Variants in ESPNL observed in about 807,000 individuals in gnomAD.
ESPNL encodes espin like.
ESPNL carries 49 observed loss-of-function variants against 46.8 expected under a neutral mutation model. The ratio of observed to expected loss-of-function variants is 1.05; its 90% CI spans 0.83 to 1.33. The LOEUF (loss-of-function observed/expected upper bound fraction) is 1.33. ESPNL is among the 40% of genes most tolerant of loss of function. The probability of loss-of-function intolerance (pLI) is 0.00; values close to 1 mark genes in which losing one functional copy is unlikely to be tolerated. For missense variants in ESPNL, 1,540 were observed against 1,436.6 expected, an observed-to-expected ratio of 1.07 and a Z score of -1.16; for synonymous variants, 664 against 662.1, an observed-to-expected ratio of 1.00 and a Z score of -0.04.
At chr2:238,125,139 C>T in intron 5 of ESPNL, 131 bp from the exon 6 acceptor site, 2 of 503,230 alleles carry the variant, frequency 4.0e-6, no homozygotes, top group Non-Finnish European at 7.2e-6. Flanking sequence ...CTGCCACCTC[C>T]TTACCTGTCC....
rs778625183 is a variant in ESPNL, at chr2:238,102,061, C to T, written c.415C>T (p.Arg139Trp). ...CACGCTAGAGACCCGGGAGGGAGCC[C>T]GGCCGCTGCACCACGCTGCCGTCAG... ...SATLETREGA[R>W]PLHHAAVSGD... The change falls in exon 2 of 9, where the codon CGG (arginine) becomes TGG (tryptophan). Residue 139 changes from arginine to tryptophan, a missense_variant. Physicochemically the swap from Arg to Trp is moderately radical, Grantham distance 101. Coordinates refer to ENST00000343063, the MANE Select transcript of ESPNL (RefSeq NM_194312.4). 1.8e-5 allele frequency: 28 copies of T among 1,593,290 alleles called. No homozygotes were observed. The highest frequency in any genetic ancestry group is 1.1e-4 in the East Asian group (5 of 43,788).
intron 3 of ESPNL, among the ~76,000 whole-genome samples, chr2:238,106,780 C>T (rs908537444): frequency 6.6e-6 from 1 of 152,104 alleles, no homozygotes; most frequent in Non-Finnish European, 1.5e-5. Flanking sequence ...GAGGCATGAG[C>T]GGCCTTCCTG....
rs546255221 is a variant in ESPNL at position 238,116,946 on chromosome 2, G to A, written c.899G>A (p.Arg300Gln). The A allele has an allele frequency of 4.3e-5, 70 of 1,612,698 alleles. 1 individual carries two copies. The South Asian group carries it at 5.9e-4, about 14-fold the overall frequency. Residue 300 changes from arginine to glutamine, a missense_variant, in exon 5 of 9, where the codon CGG becomes CAG. Coordinates refer to ENST00000343063, the MANE Select transcript of ESPNL (RefSeq NM_194312.4). Reference sequence around the variant, plus strand: ...TCCCACCACGTGGACCCCTCCCTGCGGGATGAAGATGGTTACACGGCGGCA... The same window carrying A: ...TCCCACCACGTGGACCCCTCCCTGCAGGATGAAGATGGTTACACGGCGGCA... ...LVSHHVDPSL[R>Q]DEDGYTAADL...
rs750733129 is a variant in ESPNL at position 238,116,888 on chromosome 2, CCCT to C, written c.856-10_856-8del. On this transcript the variant is annotated splice_polypyrimidine_tract_variant and intron_variant, in intron 4 of 8. Transcript: ENST00000343063. ...TGTGTCGTGGTGGGTCACATGTGTG[CCCT>C]CCTCACTGCAGTGCTGCCAGACCCT... 2 of 1,610,976 alleles carry C rather than the reference CCCT, an allele frequency of 1.2e-6. No homozygotes were observed. Among genetic ancestry groups the C allele is most frequent in the Middle Eastern group, 1.6e-4 (1 of 6,074 alleles).
At chr2:238,126,177 CGA>C (rs1384900724) in intron 6 of ESPNL, among the ~76,000 whole-genome samples, 3 of 140,178 alleles carry the variant, frequency 2.1e-5, no homozygotes, top group South Asian at 2.4e-4. Context: ...TGATTGTGTT[CGA>C]GTGTGTGATC....
intron 6 of ESPNL, 177 bp from the exon 7 acceptor site, chr2:238,127,445 C>T (rs1692164695): frequency 7.3e-7 from 1 of 1,374,766 alleles, no homozygotes; most frequent in Admixed American, 3.5e-5. Flanking sequence ...CACTGACTCC[C>T]CAGAGAAGGT....
intron 4 of ESPNL, among the ~76,000 whole-genome samples, chr2:238,115,779 TCTC>T (rs1310235350): frequency 6.6e-6 from 1 of 152,204 alleles, no homozygotes; most frequent in Non-Finnish European, 1.5e-5. Context: ...TTAAAGCAAT[TCTC>T]CTGCCTCAGC....
chr2:238,126,754 TTG>T (rs1451474327), intron 6 of ESPNL, among the ~76,000 whole-genome samples: 1 of 151,490 alleles, frequency 6.6e-6, no homozygotes. Flanking sequence ...GTATCTGTGA[TTG>T]TGTCTGTGTA....
chr2:238,115,210 G>A (rs1206366309), intron 4 of ESPNL, among the ~76,000 whole-genome samples: 1 of 152,188 alleles, frequency 6.6e-6, no homozygotes, highest in Non-Finnish European at 1.5e-5. Context: ...TGGCGCTGTG[G>A]CCTCCTCAGG....
At chr2:238,101,458 A>T (rs533521034) in intron 1 of ESPNL, among the ~76,000 whole-genome samples, 4 of 152,166 alleles carry the variant, frequency 2.6e-5, no homozygotes, top group Non-Finnish European at 5.9e-5. Flanking sequence ...CTGCCTGGGG[A>T]TCCATTCTGA....
intron 4 of ESPNL, among the ~76,000 whole-genome samples, chr2:238,112,050 A>G (rs1448467857): frequency 6.6e-6 from 1 of 151,512 alleles, no homozygotes; most frequent in Admixed American, 6.6e-5. Flanking sequence ...CTCTTTTCCT[A>G]TTTTTTGAGA....
At chr2:238,129,053 A>G in intron 8 of ESPNL, 149 bp downstream of exon 8, 1 of 1,431,780 alleles carries the variant, frequency 7.0e-7, no homozygotes, top group Non-Finnish European at 9.1e-7. Context: ...CTTCCGCCGG[A>G]GGATGAAGTG....
chr2:238,129,030 G>A, intron 8 of ESPNL, 126 bp downstream of exon 8: 3 of 1,435,896 alleles, frequency 2.1e-6, no homozygotes, highest in Non-Finnish European at 2.7e-6. Context: ...CTCCTCTGTG[G>A]CCTCAGCTGC....
At chr2:238,104,921 G>A (rs544438608) in intron 3 of ESPNL, 79 bp downstream of exon 3, 55 of 1,269,082 alleles carry the variant, frequency 4.3e-5, no homozygotes, top group Non-Finnish European at 5.6e-5. Context: ...AGCCTGGATG[G>A]GGGCTCCAGA....
chr2:238,103,384 G>A (rs1484586032), intron 2 of ESPNL, among the ~76,000 whole-genome samples: 1 of 152,172 alleles, frequency 6.6e-6, no homozygotes, highest in Non-Finnish European at 1.5e-5. Context: ...AGCTGGGATT[G>A]TGCCACTGCA....
At position 238,131,188 on chromosome 2, in the gene ESPNL, G is replaced by A. The variant is rs747364341; in HGVS notation, c.2474G>A (p.Arg825Gln). 1.6e-4 allele frequency: 254 copies of A among 1,544,320 alleles called. No individual in the cohort carries two copies. Among genetic ancestry groups the A allele is most frequent in the Middle Eastern group, 1.5e-3 (9 of 5,982 alleles). The change falls in exon 9 of 9, where the codon CGG (arginine) becomes CAG (glutamine). Residue 825 changes from arginine (R) to glutamine (Q), a missense_variant. Physicochemically the swap from Arg to Gln is conservative, Grantham distance 43. Transcript: ENST00000343063. ...MAHVPARQLR[R>Q]LSRQPRGALS... ...CACGTGCCCGCCCGGCAGCTGCGGC[G>A]GCTGAGCCGGCAGCCCCGCGGGGCT... is the stretch of plus-strand genomic sequence containing the variant.
chr2:238,127,771 C>A (rs746456370), intron 7 of ESPNL, 37 bp downstream of exon 7: 8 of 1,512,432 alleles, frequency 5.3e-6, no homozygotes, highest in South Asian at 1.2e-5. Context: ...TCTCCCGGGG[C>A]CCCTAGCCAG....
chr2:238,100,659 G>T lies in ESPNL; in HGVS notation c.240G>T (p.Thr80=), dbSNP rs765611326. The change falls in exon 1 of 9, where the codon ACG becomes ACT. Residue 80 remains threonine, a synonymous_variant. Transcript: ENST00000343063. ...GATPAHDAAA[T]GSLAELCWLV... ...CCCCAGCGCATGACGCCGCTGCCAC[G>T]GGCAGCCTGGCCGAGCTGTGCTGGC... is the stretch of plus-strand genomic sequence containing the variant. 1.4e-6 allele frequency: 2 copies of T among 1,447,272 alleles called. No homozygotes were observed. The highest frequency in any genetic ancestry group is 1.5e-5 in the African/African-American group (1 of 67,750). 89.7% of individuals were successfully genotyped at this position (1,447,272 alleles called of 1,614,324 possible). A position where few individuals can be genotyped will look rare whatever the true frequency, so the allele number is the denominator to read the frequency against.
intron 5 of ESPNL, among the ~76,000 whole-genome samples, chr2:238,122,627 G>T (rs963253153): frequency 6.6e-6 from 1 of 152,182 alleles, no homozygotes; most frequent in Non-Finnish European, 1.5e-5. Flanking sequence ...ATAAGAGGGC[G>T]GCTGCCATCC....
Sources: allele counts gnomAD v4.1 joint callset (sites outside exome capture counted in the v4.1 genomes callset), GRCh38; gene constraint gnomAD v4.1.1; transcripts MANE v1.5; gene names NCBI Gene and HGNC (gene_info 2026-07-23, HGNC 2026-07-21).